The following VWA3B variants were observed in gnomAD, a reference collection of about 807,000 sequenced individuals.
VWA3B encodes von Willebrand factor A domain containing 3B.
A neutral mutation model predicts 158.3 loss-of-function variants in VWA3B; 138 were observed. That is an observed-to-expected ratio of 0.87 (90% CI 0.76 to 1.00). The LOEUF (loss-of-function observed/expected upper bound fraction) is 1.00, where lower values mean the gene tolerates loss of function less well. Ranked by LOEUF, VWA3B falls within the 50% of genes least tolerant of loss-of-function variation. The pLI is 0.00. For synonymous variants in VWA3B, 596 were observed against 587.3 expected (o/e 1.01, Z -0.21); for missense variants, 1,555 against 1,565.1 (o/e 0.99, Z 0.11).
chr2:98,277,146 C>T (rs1688575832), intron 22 of VWA3B, among the ~76,000 whole-genome samples: 1 of 152,212 alleles, frequency 6.6e-6, no homozygotes, highest in African/African-American at 2.4e-5. Flanking sequence ...CCACCTATGT[C>T]CATAATCCAC....
intron 7 of VWA3B, among the ~76,000 whole-genome samples, chr2:98,143,752 C>CTTTTTTTTTTTTTTTTTTTTT (rs534351736): frequency 7.6e-6 from 1 of 130,952 alleles, no homozygotes; most frequent in Non-Finnish European, 1.6e-5. Flanking sequence ...CTTTTCTTTT[C>CTTTTTTTTTTTTTTTTTTTTT]TTTTTTTTTT....
chr2:98,223,600 A>G (rs188941067), intron 14 of VWA3B, among the ~76,000 whole-genome samples: 5 of 152,334 alleles, frequency 3.3e-5, no homozygotes, highest in Admixed American at 2.0e-4. Flanking sequence ...AATGACACCA[A>G]TTCAATTGCA....
At chr2:98,133,596 G>A (rs1279808618) in intron 6 of VWA3B, 1 of 502,934 alleles carries the variant, frequency 2.0e-6, no homozygotes, top group African/African-American at 1.9e-5. Flanking sequence ...TCTAATGAAA[G>A]GATGAGTTGT....
Position 98,138,973 on chromosome 2 carries a change from G to A in VWA3B, c.988+5034G>A, listed in dbSNP as rs566314862. Among the ~76,000 whole-genome samples the A allele has an allele frequency of 1.4e-4, 22 of 152,352 alleles. No homozygotes were observed. In the East Asian group the frequency reaches 4.2e-3, roughly 29 times the overall value. On this transcript the variant is annotated intron_variant, in intron 7 of 27. Transcript: ENST00000477737. ...TTCTGGGCTGACCAAGGCCGGAGTC[G>A]GCTCCCTCAGCTTGCAGGGAGGTGT...
chr2:98,115,783 A>G (rs767454186), intron 3 of VWA3B, 37 bp downstream of exon 3: 2 of 1,537,198 alleles, frequency 1.3e-6, no homozygotes, highest in East Asian at 2.2e-5. Context: ...GTCCTGTGAC[A>G]TGGTGCTGAC....
At chr2:98,198,862 G>T (rs1201595339) in intron 12 of VWA3B, among the ~76,000 whole-genome samples, 1 of 152,040 alleles carries the variant, frequency 6.6e-6, no homozygotes, top group African/African-American at 2.4e-5. Context: ...CGAGGCAGGC[G>T]GATCATGAGG....
Position 98,163,001 on chromosome 2 carries a change from T to A in VWA3B, c.1114+25T>A, listed in dbSNP as rs373915958. 6 of 1,612,220 alleles carry A rather than the reference T, an allele frequency of 3.7e-6. No individual in the cohort carries two copies. In the African/African-American group the frequency reaches 8.0e-5, roughly 22 times the overall value. ...GGTTGGTGCTATTTCTGGTCACTGGTGTAAAAGATTCATAAATGTTACTAG... is the reference window on the plus strand; with the variant it reads ...GGTTGGTGCTATTTCTGGTCACTGGAGTAAAAGATTCATAAATGTTACTAG... On this transcript the variant is annotated intron_variant, in intron 8 of 27. Coordinates refer to ENST00000477737, the MANE Select transcript of VWA3B (RefSeq NM_144992.5).
intron 2 of VWA3B, among the ~76,000 whole-genome samples, chr2:98,100,480 A>T (rs35280863): frequency 6.6e-6 from 1 of 152,128 alleles, no homozygotes; most frequent in Admixed American, 6.5e-5. Flanking sequence ...ACAGAGGCAC[A>T]ACTAAAGCCC....
intron 12 of VWA3B, among the ~76,000 whole-genome samples, chr2:98,208,264 G>A (rs1683186846): frequency 6.6e-6 from 1 of 151,962 alleles, no homozygotes; most frequent in Non-Finnish European, 1.5e-5. Flanking sequence ...TGCCTGAAGT[G>A]AGTTTCCTGT....
In VWA3B at chr2:98,236,434, T is replaced by C. The variant is rs777857346; in HGVS notation, c.2473T>C (p.Ser825Pro). 1 of 1,614,174 alleles carries C rather than the reference T, an allele frequency of 6.2e-7. No individual in the cohort carries two copies. The highest frequency in any genetic ancestry group is 1.7e-5 in the Admixed American group (1 of 60,026). ...LAEEWLDDKS[S>P]EKVTREGSQV... ...TGAGGAGTGGCTGGATGACAAATCG[T>C]CAGAAAAGGTGACGCGAGAAGGAAG... The change falls in exon 18 of 28, where the codon TCA becomes CCA. Residue 825 changes from serine (S) to proline (P), a missense_variant. Transcript: ENST00000477737.
the VWA3B span, among the ~76,000 whole-genome samples, chr2:98,320,391 T>G: frequency 6.6e-6 from 1 of 151,732 alleles, no homozygotes; most frequent in Non-Finnish European, 1.5e-5. Context: ...GTGCCAGGAG[T>G]GGGGTGCTGC....
At position 98,128,239 on chromosome 2, in the gene VWA3B, A is replaced by T. The variant is rs148988171; in HGVS notation, c.703A>T (p.Ile235Phe). 2.4e-5 allele frequency: 38 copies of T among 1,613,926 alleles called. No individual in the cohort carries two copies. Among genetic ancestry groups the T allele is most frequent in the Non-Finnish European group, 2.9e-5 (34 of 1,179,926 alleles). Residue 235 changes from isoleucine to phenylalanine, a missense_variant and splice_region_variant, in exon 6 of 28, where the codon ATT becomes TTT. Ile to Phe is a conservative substitution (Grantham distance 21). Transcript: ENST00000477737. ...ALLEAGRDKT[I>F]ESIYYFVVGD... Reference sequence around the variant, plus strand: ...AACCGTTGGCACCACTGTTTTGCAGATTGAATCCATTTACTACTTTGTGGT... The same window carrying T: ...AACCGTTGGCACCACTGTTTTGCAGTTTGAATCCATTTACTACTTTGTGGT...
At chr2:98,175,095 G>A (rs1465793848) in intron 8 of VWA3B, among the ~76,000 whole-genome samples, 1 of 152,066 alleles carries the variant, frequency 6.6e-6, no homozygotes, top group Non-Finnish European at 1.5e-5. Flanking sequence ...AAAATGTCCA[G>A]TTGTCAACAA....
intron 7 of VWA3B, among the ~76,000 whole-genome samples, chr2:98,143,447 C>T (rs1031430958): frequency 1.5e-4 from 23 of 152,282 alleles, no homozygotes; most frequent in African/African-American, 5.3e-4. Context: ...CATCGTATGT[C>T]TATTGGGTAG....
intron 7 of VWA3B, among the ~76,000 whole-genome samples, chr2:98,136,822 C>T (rs375642525): frequency 1.2e-3 from 180 of 152,240 alleles, no homozygotes; most frequent in South Asian, 6.6e-3. Flanking sequence ...CCCTAGCAAC[C>T]GCCATTCTAC....
chr2:98,309,740 A>G (rs1043997252), intron 26 of VWA3B, among the ~76,000 whole-genome samples: 15 of 152,154 alleles, frequency 9.9e-5, no homozygotes, highest in African/African-American at 3.1e-4. Context: ...GAATCACTTC[A>G]CTTAATCTCG....
intron 22 of VWA3B, among the ~76,000 whole-genome samples, chr2:98,278,646 C>T (rs981284299): frequency 1.3e-5 from 2 of 152,138 alleles, no homozygotes; most frequent in Non-Finnish European, 2.9e-5. Context: ...AAGCCATCCC[C>T]CTGAAGTCAA....
At chr2:98,165,253 G>T (rs1052517796) in intron 8 of VWA3B, among the ~76,000 whole-genome samples, 1 of 152,214 alleles carries the variant, frequency 6.6e-6, no homozygotes, top group African/African-American at 2.4e-5. Context: ...TAAGAGACAG[G>T]TGCTACTGCT....
chr2:98,153,573 G>A (rs1677814374), intron 7 of VWA3B, among the ~76,000 whole-genome samples: 1 of 152,180 alleles, frequency 6.6e-6, no homozygotes, highest in African/African-American at 2.4e-5. Context: ...TCTCTAATTA[G>A]GTATTTAGAG....
Sources: allele counts gnomAD v4.1 joint callset (sites outside exome capture counted in the v4.1 genomes callset), GRCh38; gene constraint gnomAD v4.1.1; transcripts MANE v1.5; gene names NCBI Gene and HGNC (gene_info 2026-07-23, HGNC 2026-07-21).